FOXN3: variants seen among roughly 807,000 people sequenced by gnomAD.
FOXN3 encodes forkhead box N3.
A neutral mutation model predicts 38.4 loss-of-function variants in FOXN3; 7 were observed. The observed-to-expected ratio is 0.18, with a 90% CI of 0.10 to 0.34. The LOEUF is 0.34. FOXN3 is among the 10% of genes least tolerant of loss of function. The pLI is 1.00. For missense variants in FOXN3, 456 were observed against 613.4 expected, an observed-to-expected ratio of 0.74 and a Z score of 2.71; for synonymous variants, 230 against 242.2, an observed-to-expected ratio of 0.95 and a Z score of 0.47.
chr14:89,259,703 G>A (rs4904525), intron 4 of FOXN3, among the ~76,000 whole-genome samples: 94,140 of 152,012 alleles, frequency 0.62, 29,119 homozygotes, highest in Admixed American at 0.63. Context: ...CAGCAGAGCA[G>A]CTCTAAAGCA....
At chr14:89,290,697 A>G (rs1476995) in intron 3 of FOXN3, 362,624 of 398,162 alleles carry the variant, frequency 0.91, 165,617 homozygotes, top group East Asian at 0.97. Flanking sequence ...GGGACTTGGA[A>G]TGTAGCTTCT....
chr14:89,505,324 AG>A (rs1469566443), intron 1 of FOXN3, among the ~76,000 whole-genome samples: 1 of 126,480 alleles, frequency 7.9e-6, no homozygotes, highest in African/African-American at 3.0e-5. Flanking sequence ...TCTGATGCCG[AG>A]CCGAGGCTGG....
intron 4 of FOXN3, among the ~76,000 whole-genome samples, chr14:89,232,300 C>T (rs1884835627): frequency 6.6e-6 from 1 of 152,184 alleles, no homozygotes; most frequent in South Asian, 2.1e-4. Flanking sequence ...CAAACACAAA[C>T]CGTTCGCCTA....
chr14:89,371,753 G>C (rs947045615), intron 2 of FOXN3, among the ~76,000 whole-genome samples: 12 of 152,074 alleles, frequency 7.9e-5, no homozygotes, highest in African/African-American at 2.9e-4. Flanking sequence ...GGAGGAGAGT[G>C]AGGATAAGAA....
intron 1 of FOXN3, among the ~76,000 whole-genome samples, chr14:89,471,239 G>A (rs1566667524): frequency 6.6e-6 from 1 of 152,154 alleles, no homozygotes; most frequent in East Asian, 1.9e-4. Flanking sequence ...TCAGACCCTA[G>A]AAAGGACAGT....
At chr14:89,175,052 T>G (rs565698059) in intron 5 of FOXN3, among the ~76,000 whole-genome samples, 5 of 152,322 alleles carry the variant, frequency 3.3e-5, no homozygotes, top group African/African-American at 1.2e-4. Context: ...AACAAACATC[T>G]TCTCAAGGGA....
At chr14:89,288,660 G>GCGC (rs1566947472) in intron 3 of FOXN3, among the ~76,000 whole-genome samples, 9 of 43,918 alleles carry the variant, frequency 2.0e-4, no homozygotes, top group African/African-American at 6.0e-4. Flanking sequence ...GGCTGTAATA[G>GCGC]GCACTCTCTT....
chr14:89,517,032 G>T (rs1894220336), intron 1 of FOXN3, among the ~76,000 whole-genome samples: 1 of 152,146 alleles, frequency 6.6e-6, no homozygotes, highest in South Asian at 2.1e-4. Flanking sequence ...TCCTGTTTGT[G>T]CTGTGTCTCT....
intron 4 of FOXN3, among the ~76,000 whole-genome samples, chr14:89,255,189 G>A (rs995810306): frequency 2.6e-5 from 4 of 152,180 alleles, no homozygotes; most frequent in African/African-American, 9.7e-5. Context: ...ATGTCTTTTA[G>A]AAGAAATTCA....
intron 3 of FOXN3, among the ~76,000 whole-genome samples, chr14:89,319,496 C>A (rs978035817): frequency 1.3e-5 from 2 of 152,078 alleles, no homozygotes; most frequent in Non-Finnish European, 2.9e-5. Context: ...GGGGACTCTT[C>A]AGGTAGACAC....
chr14:89,192,488 TA>T (rs1000874169), intron 4 of FOXN3, among the ~76,000 whole-genome samples: 2 of 141,194 alleles, frequency 1.4e-5, no homozygotes, highest in African/African-American at 5.1e-5. Flanking sequence ...CTATTACATA[TA>T]ATAGTTAACA....
At chr14:89,404,208 G>A (rs1891324269) in intron 2 of FOXN3, among the ~76,000 whole-genome samples, 1 of 152,102 alleles carries the variant, frequency 6.6e-6, no homozygotes, top group Non-Finnish European at 1.5e-5. Context: ...CAGTCTGGAA[G>A]GAACAAATCA....
intron 3 of FOXN3, among the ~76,000 whole-genome samples, chr14:89,287,457 A>G (rs1877731527): frequency 6.6e-6 from 1 of 151,916 alleles, no homozygotes; most frequent in Non-Finnish European, 1.5e-5. Flanking sequence ...CCCCAGTGGT[A>G]GTCTTGATTG....
At chr14:89,283,026 A>G (rs1886508415) in intron 3 of FOXN3, among the ~76,000 whole-genome samples, 1 of 152,198 alleles carries the variant, frequency 6.6e-6, no homozygotes, top group African/African-American at 2.4e-5. Flanking sequence ...TGGACTGGCC[A>G]CCACCTTCTC....
chr14:89,569,191 C>T (rs1429080857), intron 1 of FOXN3, among the ~76,000 whole-genome samples: 3 of 151,332 alleles, frequency 2.0e-5, no homozygotes, highest in African/African-American at 4.9e-5. Context: ...GGGGACAGAG[C>T]GAGACTCCGT....
intron 2 of FOXN3, among the ~76,000 whole-genome samples, chr14:89,406,428 A>C (rs1891390443): frequency 6.6e-6 from 1 of 152,056 alleles, no homozygotes; most frequent in Admixed American, 6.6e-5. Context: ...AAATAAATTA[A>C]ATCAATAATT....
chr14:89,188,418 C>A (rs981386909), intron 4 of FOXN3, among the ~76,000 whole-genome samples: 3 of 152,174 alleles, frequency 2.0e-5, no homozygotes, highest in Non-Finnish European at 2.9e-5. Context: ...AATCAGTCCC[C>A]TTGCCTGGCT....
chr14:89,304,711 G>C (rs1241359020), intron 3 of FOXN3, among the ~76,000 whole-genome samples: 9 of 152,002 alleles, frequency 5.9e-5, no homozygotes, highest in Admixed American at 5.9e-4. Context: ...GAGAAAACCT[G>C]GGCATTCAAC....
chr14:89,328,596 C>T (rs1357604093), intron 3 of FOXN3, among the ~76,000 whole-genome samples: 1 of 152,258 alleles, frequency 6.6e-6, no homozygotes, highest in Non-Finnish European at 1.5e-5. Flanking sequence ...GGAGAAGAGA[C>T]ATTCCCACCA....
Sources: allele counts gnomAD v4.1 joint callset (sites outside exome capture counted in the v4.1 genomes callset), GRCh38; gene constraint gnomAD v4.1.1; transcripts MANE v1.5; gene names NCBI Gene and HGNC (gene_info 2026-07-23, HGNC 2026-07-21).